The following SGCZ variants were observed in gnomAD, a reference collection of about 807,000 sequenced individuals.
The protein encoded by SGCZ is zeta-sarcoglycan.
Under a neutral mutation model 41.3 loss-of-function variants are expected in SGCZ, and 40 were observed. The observed-to-expected ratio is 0.97, with a 90% CI of 0.75 to 1.26. The LOEUF is 1.26. Ranked by LOEUF, SGCZ falls within the 50% of genes most tolerant of loss-of-function variation. SGCZ has a pLI of 0.00. For synonymous variants in SGCZ, 206 were observed against 137.5 expected (o/e 1.50, Z -3.49); for missense variants, 552 against 369.8 (o/e 1.49, Z -4.04).
At chr8:14,395,205 A>G (rs1003745603) in intron 2 of SGCZ, among the ~76,000 whole-genome samples, 4 of 152,180 alleles carry the variant, frequency 2.6e-5, no homozygotes, top group African/African-American at 9.7e-5. Context: ...AATGTTTCCA[A>G]TACCACTTGG....
At chr8:14,707,017 T>C (rs1300066554) in intron 1 of SGCZ, among the ~76,000 whole-genome samples, 1 of 151,708 alleles carries the variant, frequency 6.6e-6, no homozygotes, top group Non-Finnish European at 1.5e-5. Flanking sequence ...TGAAAGTTTA[T>C]TTAAAATCTT....
At chr8:14,882,786 CT>C (rs1804640568) in intron 1 of SGCZ, among the ~76,000 whole-genome samples, 1 of 152,066 alleles carries the variant, frequency 6.6e-6, no homozygotes, top group Non-Finnish European at 1.5e-5. Context: ...TCTGTCTTAG[CT>C]TTTTCCCTTT....
At chr8:14,792,851 G>T (rs1800999588) in intron 1 of SGCZ, among the ~76,000 whole-genome samples, 1 of 151,994 alleles carries the variant, frequency 6.6e-6, no homozygotes, top group South Asian at 2.1e-4. Context: ...ATAGGGCCTT[G>T]CTCCCAGCCT....
intron 4 of SGCZ, among the ~76,000 whole-genome samples, chr8:14,168,264 C>T (rs1429472403): frequency 6.6e-6 from 1 of 152,070 alleles, no homozygotes. Flanking sequence ...TGGGCCAAAT[C>T]AGTCAACCAA....
chr8:14,177,045 G>C (rs1804563872), intron 4 of SGCZ, among the ~76,000 whole-genome samples: 1 of 152,278 alleles, frequency 6.6e-6, no homozygotes, highest in South Asian at 2.1e-4. Context: ...TTGGTATACA[G>C]ACAAGGATCG....
At chr8:14,703,106 T>C (rs1809221980) in intron 1 of SGCZ, among the ~76,000 whole-genome samples, 3 of 151,984 alleles carry the variant, frequency 2.0e-5, no homozygotes, top group Admixed American at 1.3e-4. Flanking sequence ...GAGCAATTAA[T>C]ATATTCTTTT....
At chr8:14,219,745 CA>C (rs36172805) in intron 4 of SGCZ, among the ~76,000 whole-genome samples, 100,858 of 145,888 alleles carry the variant, frequency 0.69, 34,832 homozygotes, top group East Asian at 0.8. Context: ...GACTTCGTCT[CA>C]AAAAAAAAAA....
intron 1 of SGCZ, among the ~76,000 whole-genome samples, chr8:14,698,226 C>G (rs1283013690): frequency 2.0e-5 from 3 of 151,802 alleles, no homozygotes; most frequent in Non-Finnish European, 4.4e-5. Flanking sequence ...ATAAAATTTG[C>G]TTTTATGTGA....
intron 2 of SGCZ, among the ~76,000 whole-genome samples, chr8:14,535,741 A>G (rs1803275024): frequency 6.6e-6 from 1 of 151,906 alleles, no homozygotes; most frequent in Admixed American, 6.6e-5. Flanking sequence ...TGACACTAAA[A>G]TTTCTAAAGA....
At chr8:14,142,181 G>A (rs529041360) in intron 5 of SGCZ, among the ~76,000 whole-genome samples, 2 of 152,172 alleles carry the variant, frequency 1.3e-5, no homozygotes, top group South Asian at 4.1e-4. Context: ...GTGGAGGCAT[G>A]GGGGAGGGAT....
chr8:14,802,957 T>C (rs1315667336), intron 1 of SGCZ, among the ~76,000 whole-genome samples: 3 of 152,104 alleles, frequency 2.0e-5, no homozygotes, highest in African/African-American at 2.4e-5. Flanking sequence ...TCCAGCCCCA[T>C]TCTTGTTTGT....
chr8:14,298,906 A>G (rs1264717553), intron 3 of SGCZ, among the ~76,000 whole-genome samples: 1 of 151,970 alleles, frequency 6.6e-6, no homozygotes, highest in Non-Finnish European at 1.5e-5. Context: ...AAATATTTGG[A>G]TATCTTATAG....
At chr8:14,356,541 ATG>A (rs1404581815) in intron 2 of SGCZ, among the ~76,000 whole-genome samples, 15 of 152,164 alleles carry the variant, frequency 9.9e-5, no homozygotes, top group Admixed American at 2.6e-4. Context: ...GTTTAACAAA[ATG>A]TGTGATATAA....
At chr8:14,560,939 A>C (rs562494841) in intron 1 of SGCZ, among the ~76,000 whole-genome samples, 2 of 152,260 alleles carry the variant, frequency 1.3e-5, no homozygotes, top group African/African-American at 4.8e-5. Flanking sequence ...TTCTTTAATA[A>C]AGCTTAGTTT....
chr8:14,588,470 A>G (rs1436031082), intron 1 of SGCZ, among the ~76,000 whole-genome samples: 1 of 152,140 alleles, frequency 6.6e-6, no homozygotes, highest in Admixed American at 6.5e-5. Context: ...AATCAGAATA[A>G]ACAATAACGA....
intron 1 of SGCZ, among the ~76,000 whole-genome samples, chr8:14,830,732 T>G (rs554825507): frequency 6.6e-6 from 1 of 152,300 alleles, no homozygotes; most frequent in South Asian, 2.1e-4. Context: ...GTTGGTTATA[T>G]TACAAGTCAG....
chr8:14,623,724 T>C (rs1397286), intron 1 of SGCZ, among the ~76,000 whole-genome samples: 60,027 of 151,972 alleles, frequency 0.39, 12,176 homozygotes, highest in East Asian at 0.71. Context: ...TTGTCTTTCA[T>C]GCATTTTCCG....
intron 1 of SGCZ, among the ~76,000 whole-genome samples, chr8:15,003,444 C>T (rs11203672): frequency 0.078 from 11,845 of 151,974 alleles, 678 homozygotes; most frequent in African/African-American, 0.16. Context: ...CTGATAGTTA[C>T]GAAATTATAC....
chr8:14,722,914 A>G (rs1003654540), intron 1 of SGCZ, among the ~76,000 whole-genome samples: 2 of 152,202 alleles, frequency 1.3e-5, no homozygotes, highest in Non-Finnish European at 2.9e-5. Context: ...AAACAAAGAA[A>G]AAACTAGAAT....
Sources: allele counts gnomAD v4.1 joint callset (sites outside exome capture counted in the v4.1 genomes callset), GRCh38; gene constraint gnomAD v4.1.1; transcripts MANE v1.5; gene names NCBI Gene and HGNC (gene_info 2026-07-23, HGNC 2026-07-21).